Variants in ASIC2 observed in about 807,000 individuals in gnomAD.
The protein encoded by ASIC2 is acid sensing ion channel subunit 2.
ASIC2 carries 25 observed loss-of-function variants against 57.3 expected under a neutral mutation model. The observed-to-expected ratio is 0.44, with a 90% CI of 0.32 to 0.61. ASIC2 has a LOEUF of 0.61. ASIC2 is among the 20% of genes least tolerant of loss of function. The probability of loss-of-function intolerance (pLI) is 0.06; values close to 1 mark genes in which losing one functional copy is unlikely to be tolerated. For missense variants in ASIC2, 641 were observed against 738.1 expected (o/e 0.87, Z 1.52); for synonymous variants, 319 against 307.5 (o/e 1.04, Z -0.39).
chr17:33,172,313 C>T (rs558967075), intron 1 of ASIC2, among the ~76,000 whole-genome samples: 12 of 152,292 alleles, frequency 7.9e-5, no homozygotes, highest in Admixed American at 2.6e-4. Flanking sequence ...ATATTTTCCA[C>T]GTATGGAGTG....
At chr17:34,140,356 T>G (rs935979430) in intron 1 of ASIC2, among the ~76,000 whole-genome samples, 6 of 152,220 alleles carry the variant, frequency 3.9e-5, no homozygotes, top group East Asian at 1.9e-4. Context: ...GCGGCATCTG[T>G]GTAAATTCCT....
intron 1 of ASIC2, among the ~76,000 whole-genome samples, chr17:34,034,621 T>A (rs2142040194): frequency 6.6e-6 from 1 of 152,322 alleles, no homozygotes; most frequent in East Asian, 1.9e-4. Context: ...CCCCATCGTC[T>A]CAGCCCAAAA....
intron 1 of ASIC2, among the ~76,000 whole-genome samples, chr17:33,887,818 A>G (rs1199454561): frequency 1.3e-5 from 2 of 152,148 alleles, no homozygotes; most frequent in African/African-American, 4.8e-5. Flanking sequence ...CCTTTAAAAG[A>G]ACATTGTTTT....
intron 1 of ASIC2, among the ~76,000 whole-genome samples, chr17:33,405,635 C>T (rs1455165948): frequency 2.0e-5 from 3 of 152,004 alleles, no homozygotes; most frequent in Non-Finnish European, 4.4e-5. Context: ...AGGCGCCCGC[C>T]ACCACACCCA....
intron 1 of ASIC2, among the ~76,000 whole-genome samples, chr17:33,906,750 G>T (rs930356080): frequency 2.6e-5 from 4 of 152,144 alleles, no homozygotes; most frequent in Non-Finnish European, 4.4e-5. Flanking sequence ...GCATCATTTT[G>T]GTGAAAAAGG....
Position 33,292,275 on chromosome 17 carries a change from G to T in ASIC2, c.-160C>A, listed in dbSNP as rs1905517107. 1 of 989,456 alleles carries T rather than the reference G, an allele frequency of 1.0e-6. No homozygotes were observed. The highest frequency in any genetic ancestry group is 1.2e-6 in the Non-Finnish European group (1 of 833,950). 61.3% of individuals were successfully genotyped at this position (989,456 alleles called of 1,614,324 possible). On this transcript the variant is annotated 5_prime_UTR_variant, in exon 1 of 10. Coordinates refer to ENST00000225823, the MANE Select transcript of ASIC2 (RefSeq NM_183377.2). ...GGAGCTCCGGTGGCGCGGCATGCCC[G>T]CCCGGCGCCGCCGCTGCCGCCTCCG...
At chr17:33,836,141 A>G (rs1913268578) in intron 1 of ASIC2, among the ~76,000 whole-genome samples, 1 of 109,008 alleles carries the variant, frequency 9.2e-6, no homozygotes, top group Non-Finnish European at 1.8e-5. Context: ...TTTTTTGGAG[A>G]CAGTCTCACT....
At chr17:33,350,873 T>TA (rs1293323165) in intron 1 of ASIC2, among the ~76,000 whole-genome samples, 3 of 152,124 alleles carry the variant, frequency 2.0e-5, no homozygotes, top group African/African-American at 7.2e-5. Flanking sequence ...AGTATCAGTT[T>TA]AAAAAAATCC....
intron 1 of ASIC2, among the ~76,000 whole-genome samples, chr17:33,213,177 C>A (rs370051254): frequency 1.1e-4 from 16 of 152,202 alleles, no homozygotes; most frequent in Admixed American, 3.9e-4. Context: ...AACAATCCCA[C>A]AGGGGGAAGC....
chr17:33,356,483 C>T (rs778840205), intron 1 of ASIC2, among the ~76,000 whole-genome samples: 2 of 152,112 alleles, frequency 1.3e-5, no homozygotes, highest in African/African-American at 2.4e-5. Flanking sequence ...CACAAGCACA[C>T]CCCTCCCTGA....
chr17:33,789,478 A>T (rs986991723), intron 1 of ASIC2, among the ~76,000 whole-genome samples: 68 of 151,764 alleles, frequency 4.5e-4, no homozygotes, highest in African/African-American at 8.2e-4. Flanking sequence ...ACACACACAC[A>T]CACACACACA....
intron 1 of ASIC2, among the ~76,000 whole-genome samples, chr17:33,614,857 A>C (rs1262053771): frequency 2.0e-5 from 3 of 152,176 alleles, no homozygotes; most frequent in African/African-American, 7.2e-5. Context: ...TTTATATCTC[A>C]ACTCTGCCAC....
At chr17:33,204,371 C>T (rs1437706419) in intron 1 of ASIC2, among the ~76,000 whole-genome samples, 4 of 152,196 alleles carry the variant, frequency 2.6e-5, no homozygotes, top group African/African-American at 9.7e-5. Context: ...GTATGAGGAG[C>T]CCTTCATGCC....
chr17:33,816,675 G>C (rs1422303096), intron 1 of ASIC2: 1 of 152,140 alleles, frequency 6.6e-6, no homozygotes, highest in Admixed American at 6.5e-5. Flanking sequence ...GTAAGGGAGG[G>C]TAGTCCTTGT....
chr17:33,172,497 C>A (rs1292020415), intron 1 of ASIC2, among the ~76,000 whole-genome samples: 1 of 152,164 alleles, frequency 6.6e-6, no homozygotes, highest in Non-Finnish European at 1.5e-5. Flanking sequence ...GGCCTTAGCC[C>A]CACATGCCTG....
At chr17:33,380,199 T>C (rs1909429888) in intron 1 of ASIC2, among the ~76,000 whole-genome samples, 1 of 122,280 alleles carries the variant, frequency 8.2e-6, no homozygotes, top group Non-Finnish European at 1.6e-5. Context: ...TTAGGTGACA[T>C]CGCGCCACTG....
Position 33,511,789 on chromosome 17 carries a change from C to G in ASIC2, c.556-399722G>C, listed in dbSNP as rs142803399. Among the ~76,000 whole-genome samples, 461 of 152,300 alleles carry G rather than the reference C, an allele frequency of 3.0e-3. 3 individuals carry two copies. Among genetic ancestry groups the G allele is most frequent in the African/African-American group, 0.01 (430 of 41,568 alleles). On this transcript the variant is annotated intron_variant, in intron 1 of 9. Coordinates refer to the ASIC2 transcript ENST00000359872. ...GCCTGTATTTAAAACCTTTTCAACA[C>G]TTAGGATAAAGACCCAAGTCCCTAA...
chr17:34,033,300 T>A (rs1279703119), intron 1 of ASIC2, among the ~76,000 whole-genome samples: 1 of 152,118 alleles, frequency 6.6e-6, no homozygotes, highest in African/African-American at 2.4e-5. Context: ...GAAATAAAGA[T>A]GTTCTTTGAA....
intron 1 of ASIC2, chr17:33,793,618 G>GC (rs1911835164): frequency 6.6e-6 from 1 of 152,196 alleles, no homozygotes; most frequent in Non-Finnish European, 1.5e-5. Flanking sequence ...TGCTTCAAAT[G>GC]TCCTATCTTG....
Sources: gnomAD v4.1 joint callset for allele counts (sites outside exome capture counted in the v4.1 genomes callset) on GRCh38, gnomAD v4.1.1 for gene constraint, MANE v1.5 for transcripts, NCBI Gene and HGNC (gene_info 2026-07-23, HGNC 2026-07-21) for gene names.